SMOC1: variants seen among roughly 807,000 people sequenced by gnomAD.
The protein encoded by SMOC1 is SPARC-related modular calcium-binding protein 1.
Under a neutral mutation model 56.3 loss-of-function variants are expected in SMOC1, and 22 were observed. The ratio of observed to expected loss-of-function variants is 0.39; its 90% CI spans 0.28 to 0.56. SMOC1 has a LOEUF of 0.56. Among genes scored for constraint, SMOC1 ranks in the 20% least tolerant of loss-of-function variants. SMOC1 has a pLI of 0.61. For synonymous variants in SMOC1, 193 were observed against 215.0 expected (o/e 0.90, Z 0.89); for missense variants, 509 against 565.4 (o/e 0.90, Z 1.01).
Position 69,879,772 on chromosome 14 carries a change from C to T in SMOC1, c.94C>T (p.Pro32Ser). The part of the protein sequence containing the change: ...SPARGHRTTG[P>S]RFLISDRDPQ... The stretch of plus-strand genomic sequence containing the variant: ...TGCTCGCGGCCACCGCACCACAGGC[C>T]CCAGGGTAAGTGCGCCCCCAGCTTT... The change falls in exon 1 of 12, where the codon CCC becomes TCC. Residue 32 changes from proline to serine, a missense_variant. Physicochemically the swap from Pro to Ser is moderately conservative, Grantham distance 74. Around this residue, in one of 3 missense-constraint regions of SMOC1, gnomAD observed 315 missense variants for 333.1 expected, o/e 0.95. Transcript: ENST00000361956. 1 of 1,588,774 alleles carries T rather than the reference C, an allele frequency of 6.3e-7. No individual in the cohort carries two copies. Among genetic ancestry groups the T allele is most frequent in the Non-Finnish European group, 8.5e-7 (1 of 1,174,484 alleles).
Position 69,916,229 on chromosome 14 carries a change from T to A in SMOC1, c.100-35909T>A, listed in dbSNP as rs546627184. On this transcript the variant is annotated intron_variant, in intron 1 of 11. Transcript: ENST00000361956. ...GAGTCATCCTTGACCCTCCTCTTTCTCTCATATCCCAAATCATATCCATCA... is the reference window on the plus strand; with the variant it reads ...GAGTCATCCTTGACCCTCCTCTTTCACTCATATCCCAAATCATATCCATCA... Among the ~76,000 whole-genome samples, 7 of 152,306 alleles carry A rather than the reference T, an allele frequency of 4.6e-5. No homozygotes were observed. The South Asian group carries it at 1.5e-3, about 32-fold the overall frequency.
chr14:70,011,467 A>T lies in SMOC1; in HGVS notation c.858-18A>T. The stretch of plus-strand genomic sequence containing the variant: ...TTGCCAGCCCCTCCCAACCCCCCCC[A>T]TATCTCTCTTTTCCCAGCTACGTGA... On this transcript the variant is annotated intron_variant, in intron 8 of 11. Coordinates refer to ENST00000361956, the MANE Select transcript of SMOC1 (RefSeq NM_001034852.3). The T allele has an allele frequency of 1.4e-6, 1 of 714,524 alleles. No individual in the cohort carries two copies. The highest frequency in any genetic ancestry group is 2.2e-6 in the Non-Finnish European group (1 of 452,828). The allele number at this position is 714,524 out of a possible 1,614,324, so 44.3% of individuals were successfully genotyped here. A position where few individuals can be genotyped will look rare whatever the true frequency, so the allele number is the denominator to read the frequency against.
At chr14:69,986,750 T>C (rs1428045365) in intron 5 of SMOC1, among the ~76,000 whole-genome samples, 1 of 152,226 alleles carries the variant, frequency 6.6e-6, no homozygotes, top group Non-Finnish European at 1.5e-5. Context: ...GTTTTTGCTC[T>C]TCTTCAGCTC....
intron 1 of SMOC1, among the ~76,000 whole-genome samples, chr14:69,910,689 G>T (rs1884534991): frequency 6.6e-6 from 1 of 152,032 alleles, no homozygotes; most frequent in African/African-American, 2.4e-5. Flanking sequence ...GCTGCATAGG[G>T]TCAAGAGAGA....
intron 1 of SMOC1, among the ~76,000 whole-genome samples, chr14:69,935,330 A>C (rs1278455722): frequency 6.6e-6 from 1 of 152,218 alleles, no homozygotes; most frequent in Non-Finnish European, 1.5e-5. Flanking sequence ...AAAAAGGAGA[A>C]AATTGAAAAT....
At chr14:69,997,289 TA>T (rs1884802927) in intron 7 of SMOC1, among the ~76,000 whole-genome samples, 2 of 152,204 alleles carry the variant, frequency 1.3e-5, no homozygotes, top group South Asian at 4.1e-4. Flanking sequence ...TTCCAAGCTT[TA>T]ATGTCCGGTT....
chr14:69,960,904 T>C (rs970153829), intron 3 of SMOC1, among the ~76,000 whole-genome samples: 5 of 152,324 alleles, frequency 3.3e-5, no homozygotes, highest in Non-Finnish European at 4.4e-5. Flanking sequence ...ATAATAACTG[T>C]ATTGACATAT....
chr14:69,907,890 G>A (rs1884451825), intron 1 of SMOC1, among the ~76,000 whole-genome samples: 1 of 152,128 alleles, frequency 6.6e-6, no homozygotes, highest in Admixed American at 6.5e-5. Flanking sequence ...AAGGGGTGAG[G>A]GGTCTCACTC....
intron 1 of SMOC1, among the ~76,000 whole-genome samples, chr14:69,902,517 C>T (rs1884270157): frequency 6.6e-6 from 1 of 152,204 alleles, no homozygotes; most frequent in Non-Finnish European, 1.5e-5. Context: ...GTTGTGGAGA[C>T]TAGGCCTTGG....
intron 1 of SMOC1, among the ~76,000 whole-genome samples, chr14:69,912,659 C>T (rs1884584075): frequency 6.6e-6 from 1 of 152,182 alleles, no homozygotes; most frequent in Non-Finnish European, 1.5e-5. Flanking sequence ...CATCATCCTT[C>T]AGTTGTGGCT....
intron 3 of SMOC1, among the ~76,000 whole-genome samples, chr14:69,966,918 A>T (rs1883598414): frequency 6.6e-6 from 1 of 152,178 alleles, no homozygotes; most frequent in Admixed American, 6.5e-5. Flanking sequence ...ACTCATTCCC[A>T]TACCATAGGG....
At chr14:69,961,099 CT>C (rs1170026934) in intron 3 of SMOC1, among the ~76,000 whole-genome samples, 1 of 151,832 alleles carries the variant, frequency 6.6e-6, no homozygotes, top group East Asian at 1.9e-4. Context: ...AACCACTAAT[CT>C]ACTTTCTATT....
At chr14:69,897,327 C>G (rs565357772) in intron 1 of SMOC1, among the ~76,000 whole-genome samples, 1 of 152,310 alleles carries the variant, frequency 6.6e-6, no homozygotes, top group Non-Finnish European at 1.5e-5. Flanking sequence ...GTGGCTTGGG[C>G]CAGCCACACC....
intron 1 of SMOC1, among the ~76,000 whole-genome samples, chr14:69,901,886 G>T (rs1227506312): frequency 5.3e-5 from 8 of 152,188 alleles, no homozygotes; most frequent in Admixed American, 5.2e-4. Flanking sequence ...GCCTATTGTA[G>T]GAAACATCTG....
intron 3 of SMOC1, among the ~76,000 whole-genome samples, chr14:69,964,161 C>T (rs545221352): frequency 3.3e-5 from 5 of 152,262 alleles, no homozygotes; most frequent in South Asian, 4.2e-4. Context: ...GCTGGGCATC[C>T]GAGCTCCCTG....
intron 5 of SMOC1, among the ~76,000 whole-genome samples, chr14:69,991,084 GTTA>G (rs1884551876): frequency 6.6e-6 from 1 of 152,196 alleles, no homozygotes; most frequent in South Asian, 2.1e-4. Context: ...GTAGAGGGTT[GTTA>G]TTATTGATGA....
intron 3 of SMOC1, among the ~76,000 whole-genome samples, chr14:69,963,650 C>T (rs1883465950): frequency 6.6e-6 from 1 of 152,084 alleles, no homozygotes; most frequent in Admixed American, 6.5e-5. Flanking sequence ...AGCTGGAGCC[C>T]CAGTGAGCAG....
At chr14:70,015,161 G>T (rs984253809) in intron 10 of SMOC1, among the ~76,000 whole-genome samples, 1 of 151,720 alleles carries the variant, frequency 6.6e-6, no homozygotes, top group Non-Finnish European at 1.5e-5. Flanking sequence ...TATATTGGGG[G>T]CATTATGCTA....
At chr14:69,961,316 A>ATATC (rs1883371067) in intron 3 of SMOC1, among the ~76,000 whole-genome samples, 5 of 112,926 alleles carry the variant, frequency 4.4e-5, no homozygotes, top group Non-Finnish European at 9.2e-5. Flanking sequence ...ATATATATAT[A>ATATC]TATCCTGTTT....
Sources: allele counts gnomAD v4.1 joint callset (sites outside exome capture counted in the v4.1 genomes callset), GRCh38; gene constraint gnomAD v4.1.1; regional missense constraint gnomAD v4.1.1; transcripts MANE v1.5; gene names NCBI Gene and HGNC (gene_info 2026-07-23, HGNC 2026-07-21).